Variants in CATSPERG observed in about 807,000 individuals in gnomAD.
CATSPERG encodes the protein catsper channel auxiliary subunit gamma.
In CATSPERG, 115 loss-of-function variants were observed where a neutral mutation model predicts 145.0. That is an observed-to-expected ratio of 0.79 (90% CI 0.68 to 0.93). CATSPERG has a LOEUF of 0.93. Ranked by LOEUF, CATSPERG falls within the 40% of genes least tolerant of loss-of-function variation. CATSPERG has a pLI of 0.00. For synonymous variants in CATSPERG, 588 were observed against 589.0 expected, an observed-to-expected ratio of 1.00 and a Z score of 0.02; for missense variants, 1,296 against 1,490.1, an observed-to-expected ratio of 0.87 and a Z score of 2.14.
intron 16 of CATSPERG, among the ~76,000 whole-genome samples, chr19:38,361,311 G>A (rs1380388759): frequency 6.6e-6 from 1 of 152,122 alleles, no homozygotes; most frequent in Non-Finnish European, 1.5e-5. Flanking sequence ...TGCGGAGGGT[G>A]GATCAGAGCA....
chr19:38,361,976 T>A, intron 17 of CATSPERG, 115 bp downstream of exon 17: 1 of 67,036 alleles, frequency 1.5e-5, no homozygotes, highest in South Asian at 1.2e-4. Context: ...ACAGGACTGG[T>A]GGTGGGTGGG....
rs1450001228 is a variant in CATSPERG at position 38,343,995 on chromosome 19, C to A, written c.472C>A (p.Pro158Thr). The change falls in exon 5 of 29, where the codon CCA (proline) becomes ACA (threonine). Residue 158 changes from proline to threonine, a missense_variant and splice_region_variant. By Grantham distance (38) the Pro-to-Thr change is conservative (BLOSUM62 -1). Transcript: ENST00000409235. ...CAGTGCCCAGGGCCTCCCTGCAGAG[C>A]CATGCATGGCAGAAGAAGTGTGTAG... ...MEAAPFRSKE[P>T]CMAEEVCSMS... is the part of the protein sequence containing the mutation. 1 of 1,550,262 alleles carries A rather than the reference C, an allele frequency of 6.5e-7. No individual in the cohort carries two copies. Among genetic ancestry groups the A allele is most frequent in the Non-Finnish European group, 8.7e-7 (1 of 1,146,832 alleles).
chr19:38,345,174 A>G (rs1970019655), intron 6 of CATSPERG, among the ~76,000 whole-genome samples: 1 of 150,250 alleles, frequency 6.7e-6, no homozygotes, highest in African/African-American at 2.5e-5. Context: ...CCTCATTGTA[A>G]CCTCCACCTC....
intron 3 of CATSPERG, among the ~76,000 whole-genome samples, chr19:38,340,282 G>A (rs531799498): frequency 6.6e-6 from 1 of 151,710 alleles, no homozygotes; most frequent in Non-Finnish European, 1.5e-5. Context: ...ATAATTCATT[G>A]CTCTAAATGC....
At chr19:38,353,027 CAAAAAAAAAA>C (rs61080753) in intron 8 of CATSPERG, among the ~76,000 whole-genome samples, 3,051 of 61,600 alleles carry the variant, frequency 0.05, 67 homozygotes, top group South Asian at 0.091. Context: ...GACCCTGTTT[CAAAAAAAAAA>C]AAAAAAAAAA....
At chr19:38,361,146 C>A (rs1263716788) in intron 16 of CATSPERG, among the ~76,000 whole-genome samples, 5 of 151,988 alleles carry the variant, frequency 3.3e-5, no homozygotes, top group African/African-American at 1.2e-4. Flanking sequence ...TGTGCAGAGG[C>A]CCTGATGGGA....
intron 7 of CATSPERG, among the ~76,000 whole-genome samples, chr19:38,347,076 TG>T: frequency 6.6e-6 from 1 of 152,044 alleles, no homozygotes; most frequent in Non-Finnish European, 1.5e-5. Flanking sequence ...CCAGGGGTGG[TG>T]GCATGAGTCT....
At chr19:38,367,855 CG>C (rs1252387928) in intron 25 of CATSPERG, 79 bp downstream of exon 25, 3 of 1,370,532 alleles carry the variant, frequency 2.2e-6, no homozygotes, top group Middle Eastern at 2.1e-4. Flanking sequence ...AAGCCCACCT[CG>C]CAAGCCCCCA....
At chr19:38,360,166 G>A (rs1219322320) in intron 14 of CATSPERG, 3 of 985,238 alleles carry the variant, frequency 3.0e-6, no homozygotes, top group South Asian at 4.7e-5. Context: ...AAGAAAAGAG[G>A]TCTCGGCTCT....
intron 3 of CATSPERG, among the ~76,000 whole-genome samples, 183 bp from the exon 4 acceptor site, chr19:38,343,397 C>G (rs942769712): frequency 2.0e-5 from 3 of 152,166 alleles, no homozygotes; most frequent in Admixed American, 6.5e-5. Flanking sequence ...CCCTCTGCCC[C>G]CTCCTAGGCT....
chr19:38,359,432 TC>T, intron 13 of CATSPERG, 37 bp from the exon 14 acceptor site: 1 of 1,397,110 alleles, frequency 7.2e-7, no homozygotes, highest in Non-Finnish European at 1.0e-6. Flanking sequence ...GAAGCGGCTG[TC>T]CAGCATGCGC....
At chr19:38,346,751 C>A (rs1206752991) in intron 7 of CATSPERG, 146 bp downstream of exon 7, 3 of 717,716 alleles carry the variant, frequency 4.2e-6, no homozygotes, top group Non-Finnish European at 6.2e-6. Flanking sequence ...AGAAAAAACA[C>A]AAGATTCTAC....
At chr19:38,368,992 C>G (rs1048579869) in intron 26 of CATSPERG, among the ~76,000 whole-genome samples, 1 of 151,776 alleles carries the variant, frequency 6.6e-6, no homozygotes, top group Non-Finnish European at 1.5e-5. Flanking sequence ...CTAGTAGAGA[C>G]GGGGTTTCAC....
intron 7 of CATSPERG, 122 bp from the exon 8 acceptor site, chr19:38,352,139 C>A: frequency 1.0e-6 from 1 of 962,674 alleles, no homozygotes. Flanking sequence ...AGGGAGAGCG[C>A]CCTGGGGCAG....
chr19:38,356,824 T>C lies in CATSPERG; in HGVS notation c.1278T>C (p.Asn426=). 6.2e-7 allele frequency: 1 copy of C among 1,614,118 alleles called. No homozygotes were observed. Among genetic ancestry groups the C allele is most frequent in the Non-Finnish European group, 8.5e-7 (1 of 1,180,012 alleles). ...TGCTGGTGGAGAGTGGATATGGTAA[T>C]GCAAGTAAACGTTTCCAGGTGGTCA... The part of the protein sequence containing the change: ...LLLLVESGYG[N]ASKRFQVVSY... The change falls in exon 11 of 29, where the codon AAT becomes AAC. Residue 426 remains asparagine (N), a synonymous_variant. Transcript: ENST00000409235.
At position 38,337,491 on chromosome 19, in the gene CATSPERG, T is replaced by G; in HGVS notation, c.257T>G (p.Ile86Ser). Reference protein sequence around the residue: ...SLFHMLVDSPIDPSEKYLGFP... With the variant: ...SLFHMLVDSPSDPSEKYLGFP... ...TTTCACATGCTGGTGGACTCACCCA[T>G]CGACCCGAGCGAGGTGAGGGGACCA... The change falls in exon 2 of 29, where the codon ATC becomes AGC. Residue 86 changes from isoleucine to serine, a missense_variant. Ile to Ser is a moderately radical substitution (Grantham distance 142). Coordinates refer to ENST00000409235, the MANE Select transcript of CATSPERG (RefSeq NM_021185.5). 1 of 1,552,052 alleles carries G rather than the reference T, an allele frequency of 6.4e-7. No individual in the cohort carries two copies. The highest frequency in any genetic ancestry group is 8.7e-7 in the Non-Finnish European group (1 of 1,147,086).
At chr19:38,366,965 A>G (rs1395930990) in intron 22 of CATSPERG, 191 bp from the exon 23 acceptor site, 1 of 583,206 alleles carries the variant, frequency 1.7e-6, no homozygotes, top group Non-Finnish European at 3.0e-6. Flanking sequence ...AAGTTCTGGG[A>G]TTACAGGCAT....
chr19:38,370,115 C>T (rs2145118194), intron 27 of CATSPERG, 44 bp from the exon 28 acceptor site: 2 of 1,613,196 alleles, frequency 1.2e-6, no homozygotes, highest in Middle Eastern at 1.7e-4. Flanking sequence ...CCATGGAATG[C>T]CTGGCTTCTC....
At position 38,348,478 on chromosome 19, in the gene CATSPERG, T is replaced by TG. The variant is rs1491565705; in HGVS notation, c.825+1873_825+1874insG. On this transcript the variant is annotated intron_variant, in intron 7 of 28. Transcript: ENST00000409235. ...CCACAAACTTCGTTTTTTTTTTTTG[T>TG]TTTTTTTTTTTTGAGATGGAATTTC... Among the ~76,000 whole-genome samples, 22 of 105,216 alleles carry TG rather than the reference T, an allele frequency of 2.1e-4. No homozygotes were observed. In the East Asian group the frequency reaches 4.3e-3, roughly 21 times the overall value. The allele number at this position is 105,216 out of a possible 152,430, so 69.0% of individuals were successfully genotyped here.
Sources: allele counts gnomAD v4.1 joint callset (sites outside exome capture counted in the v4.1 genomes callset), GRCh38; gene constraint gnomAD v4.1.1; transcripts MANE v1.5; gene names NCBI Gene and HGNC (gene_info 2026-07-23, HGNC 2026-07-21).